The following SMC2 variants were observed in gnomAD, a reference collection of about 807,000 sequenced individuals.
SMC2 encodes the protein structural maintenance of chromosomes 2.
A neutral mutation model predicts 142.6 loss-of-function variants in SMC2; 41 were observed. That is an observed-to-expected ratio of 0.29 (90% CI 0.22 to 0.37). The LOEUF is 0.37. SMC2 is among the 10% of genes least tolerant of loss of function. The pLI, the probability that SMC2 is intolerant of heterozygous loss-of-function variation, is 1.00. For synonymous variants in SMC2, 463 were observed against 457.5 expected (o/e 1.01, Z -0.15); for missense variants, 1,265 against 1,373.7 (o/e 0.92, Z 1.25).
the SMC2 span, among the ~76,000 whole-genome samples, chr9:104,088,320 T>A: frequency 2.2e-4 from 33 of 152,140 alleles, no homozygotes; most frequent in Non-Finnish European, 4.1e-4. Context: ...ATGAACCCCA[T>A]GAACTTATTC....
At position 104,132,069 on chromosome 9, in the gene SMC2, A is replaced by G. The variant is rs1461046825; in HGVS notation, c.3052A>G (p.Thr1018Ala). The change falls in exon 22 of 25, where the codon ACT becomes GCT. Residue 1018 changes from threonine (T) to alanine (A), a missense_variant. By Grantham distance (58) the Thr-to-Ala change is moderately conservative. Coordinates refer to ENST00000374793, the MANE Select transcript of SMC2 (RefSeq NM_006444.3). ...AAATGACAAATCCAAAATTCTTACAACTATAGAAGACCTTGACCAGAAGAA... is the reference window on the plus strand; with the variant it reads ...AAATGACAAATCCAAAATTCTTACAGCTATAGAAGACCTTGACCAGAAGAA... ...VENDKSKILTTIEDLDQKKNQ... is the reference protein window; with the variant it reads ...VENDKSKILTAIEDLDQKKNQ... 6.2e-7 allele frequency: 1 copy of G among 1,602,830 alleles called. No homozygotes were observed. The highest frequency in any genetic ancestry group is 8.5e-7 in the Non-Finnish European group (1 of 1,174,610).
intron 9 of SMC2, among the ~76,000 whole-genome samples, chr9:104,103,251 G>A (rs936152659): frequency 2.0e-5 from 3 of 152,026 alleles, no homozygotes; most frequent in Admixed American, 6.5e-5. Context: ...AGGTAAAAAA[G>A]ATGTTTCAAG....
At chr9:104,119,535 A>G (rs1235149626) in intron 15 of SMC2, among the ~76,000 whole-genome samples, 1 of 152,210 alleles carries the variant, frequency 6.6e-6, no homozygotes, top group Non-Finnish European at 1.5e-5. Context: ...TTCCATGTTT[A>G]TGCTACATCT....
chr9:104,108,300 G>T (rs1363486624), intron 9 of SMC2, among the ~76,000 whole-genome samples: 1 of 152,058 alleles, frequency 6.6e-6, no homozygotes, highest in African/African-American at 2.4e-5. Context: ...CTCTGGTGGG[G>T]ACCCGGAGAC....
At chr9:104,116,758 G>T (rs76863791) in intron 14 of SMC2, among the ~76,000 whole-genome samples, 1 of 152,266 alleles carries the variant, frequency 6.6e-6, no homozygotes, top group East Asian at 1.9e-4. Context: ...AGTTCTTCTA[G>T]ATTGCTATTC....
chr9:104,131,466 T>C (rs1423773097), intron 21 of SMC2, among the ~76,000 whole-genome samples: 1 of 152,040 alleles, frequency 6.6e-6, no homozygotes, highest in Non-Finnish European at 1.5e-5. Context: ...CATGTATACC[T>C]ATGTAACAAA....
chr9:104,126,550 T>C, intron 18 of SMC2, 91 bp from the exon 19 acceptor site: 2 of 921,218 alleles, frequency 2.2e-6, no homozygotes, highest in Non-Finnish European at 3.0e-6. Flanking sequence ...CTTACTTGCA[T>C]GAGATTATTA....
intron 1 of SMC2, chr9:104,094,946 G>T: frequency 5.9e-6 from 1 of 170,742 alleles, no homozygotes; most frequent in African/African-American, 2.4e-5. Context: ...CCAGTAAGGT[G>T]ACATTTGAGC....
rs745741380 is a variant in SMC2, at chr9:104,126,733, A to G, written c.2544A>G (p.Lys848=). 1 of 1,613,230 alleles carries G rather than the reference A, an allele frequency of 6.2e-7. No homozygotes were observed. The highest frequency in any genetic ancestry group is 1.1e-5 in the South Asian group (1 of 91,062). The change falls in exon 19 of 25, where the codon AAA becomes AAG. Residue 848 remains lysine (K), a synonymous_variant. Transcript: ENST00000374793. The part of the protein sequence containing the change: ...QQLEAVNEAI[K]SYESQIEVMA... The stretch of plus-strand genomic sequence containing the variant: ...TTGAAGCTGTAAATGAAGCTATCAA[A>G]TCCTATGAAAGTCAGATTGAAGTAA...
chr9:104,095,565 C>G lies in SMC2; in HGVS notation c.168+13C>G. On this transcript the variant is annotated intron_variant, in intron 2 of 24. Coordinates refer to ENST00000374793, the MANE Select transcript of SMC2 (RefSeq NM_006444.3). ...CAACCTGTCTCAGGTAAAGTGTAAA[C>G]TTTCTGATTTATTTGAATTTAAGTT... 2 of 1,604,830 alleles carry G rather than the reference C, an allele frequency of 1.2e-6. No individual in the cohort carries two copies. The highest frequency in any genetic ancestry group is 1.7e-6 in the Non-Finnish European group (2 of 1,173,062).
In SMC2 at chr9:104,094,350, G is replaced by GGTGGGTGTTGAGA. The variant is rs1830199443; in HGVS notation, c.-188_-187insTGGGTGTTGAGAG. On this transcript the variant is annotated 5_prime_UTR_variant, in exon 1 of 25. Coordinates refer to ENST00000374793, the MANE Select transcript of SMC2 (RefSeq NM_006444.3). ...CCGGCGCGGGTGTTGAGAGCGGTGT[G>GGTGGGTGTTGAGA]GCAGGTGTTGTAGCCGCTATGGTGA... The GGTGGGTGTTGAGA allele has an allele frequency of 1.0e-5, 4 of 398,730 alleles. No individual in the cohort carries two copies. The highest frequency in any genetic ancestry group is 4.4e-5 in the Admixed American group (1 of 22,728). 24.7% of individuals were successfully genotyped at this position (398,730 alleles called of 1,614,324 possible). A position where few individuals can be genotyped will look rare whatever the true frequency, so the allele number is the denominator to read the frequency against.
intron 2 of SMC2, 53 bp downstream of exon 2, chr9:104,095,605 C>T: frequency 6.9e-7 from 1 of 1,449,090 alleles, no homozygotes; most frequent in Non-Finnish European, 9.6e-7. Flanking sequence ...GGAGAATCCT[C>T]ACTGAACTTT....
chr9:104,138,189 C>CAGTAATAGTTTAATTAGACTATTTTT, intron 24 of SMC2, 24 bp downstream of exon 24: 1 of 1,559,554 alleles, frequency 6.4e-7, no homozygotes, highest in South Asian at 1.2e-5. Context: ...AAAAAAGTCT[C>CAGTAATAGTTTAATTAGACTATTTTT]AGTAATAGTT....
In SMC2 at chr9:104,132,796, A is replaced by G. The variant is rs371783202; in HGVS notation, c.3108+671A>G. ...AAAATGGAAGCAAAAGGCTGACCCT[A>G]TTAATTAGTGTGCAGCATGTCGATT... On this transcript the variant is annotated intron_variant, in intron 22 of 24. Coordinates refer to ENST00000374793, the MANE Select transcript of SMC2 (RefSeq NM_006444.3). Among the ~76,000 whole-genome samples the G allele has an allele frequency of 2.6e-3, 386 of 150,688 alleles. 1 individual carries two copies. Among genetic ancestry groups the G allele is most frequent in the African/African-American group, 8.6e-3 (355 of 41,142 alleles).
rs773202830 is a variant in SMC2, at chr9:104,132,072, A to G, written c.3055A>G (p.Ile1019Val). Reference sequence around the variant, plus strand: ...TGACAAATCCAAAATTCTTACAACTATAGAAGACCTTGACCAGAAGAAAAA... The same window carrying G: ...TGACAAATCCAAAATTCTTACAACTGTAGAAGACCTTGACCAGAAGAAAAA... ...ENDKSKILTT[I>V]EDLDQKKNQA... is the part of the protein sequence containing the mutation. The change falls in exon 22 of 25, where the codon ATA becomes GTA. Residue 1019 changes from isoleucine (I) to valine (V), a missense_variant. Around this residue, in one of 4 missense-constraint regions of SMC2, gnomAD observed 192 missense variants for 261.9 expected, o/e 0.73. Coordinates refer to ENST00000374793, the MANE Select transcript of SMC2 (RefSeq NM_006444.3). 2 of 1,603,664 alleles carry G rather than the reference A, an allele frequency of 1.2e-6. No individual in the cohort carries two copies. The highest frequency in any genetic ancestry group is 1.7e-6 in the Non-Finnish European group (2 of 1,174,890).
intron 22 of SMC2, among the ~76,000 whole-genome samples, chr9:104,132,416 TG>T (rs933830512): frequency 2.0e-5 from 3 of 152,196 alleles, no homozygotes; most frequent in African/African-American, 4.8e-5. Context: ...TTTTGTTTTA[TG>T]ACAACTTTGG....
chr9:104,122,788 GTTGGT>G (rs906271495), intron 16 of SMC2, among the ~76,000 whole-genome samples: 5 of 152,136 alleles, frequency 3.3e-5, no homozygotes, highest in East Asian at 3.9e-4. Flanking sequence ...GTGGTGAGTA[GTTGGT>G]TTGATTTTTT....
intron 4 of SMC2, among the ~76,000 whole-genome samples, chr9:104,099,255 G>T (rs1280475007): frequency 6.6e-6 from 1 of 152,024 alleles, no homozygotes; most frequent in Non-Finnish European, 1.5e-5. Flanking sequence ...CATCTGTTTT[G>T]TGAAATTATC....
At chr9:104,118,523 T>G in intron 15 of SMC2, 148 bp downstream of exon 15, 1 of 641,610 alleles carries the variant, frequency 1.6e-6, no homozygotes, top group Non-Finnish European at 2.6e-6. Flanking sequence ...CTACCTCCTG[T>G]CAAAAGTAAA....
Sources: allele counts gnomAD v4.1 joint callset (sites outside exome capture counted in the v4.1 genomes callset), GRCh38; gene constraint gnomAD v4.1.1; regional missense constraint gnomAD v4.1.1; transcripts MANE v1.5; gene names NCBI Gene and HGNC (gene_info 2026-07-23, HGNC 2026-07-21).